Variants in PMM2 observed in about 807,000 individuals in gnomAD.
PMM2 encodes the protein phosphomannomutase 2, also known as mannose-6-phosphate isomerase.
Under a neutral mutation model 33.2 loss-of-function variants are expected in PMM2, and 35 were observed. The observed-to-expected ratio is 1.06, with a 90% CI of 0.81 to 1.40. The LOEUF (loss-of-function observed/expected upper bound fraction) is 1.40. PMM2 is among the 40% of genes most tolerant of loss of function. PMM2 has a pLI of 0.00. For missense variants in PMM2, 386 were observed against 306.0 expected, an observed-to-expected ratio of 1.26 and a Z score of -1.95; for synonymous variants, 153 against 114.7, an observed-to-expected ratio of 1.33 and a Z score of -2.13.
At chr16:8,801,705 A>G in intron 1 of PMM2, 94 bp from the exon 2 acceptor site, 1 of 791,662 alleles carries the variant, frequency 1.3e-6, no homozygotes, top group Non-Finnish European at 2.0e-6. Flanking sequence ...TTAAATAAGA[A>G]AATAAGACTT....
At chr16:8,836,692 A>T (rs992237561) in intron 7 of PMM2, among the ~76,000 whole-genome samples, 5 of 151,944 alleles carry the variant, frequency 3.3e-5, no homozygotes, top group African/African-American at 1.2e-4. Flanking sequence ...GTTTTATTTA[A>T]TGTCGGGAGC....
intron 7 of PMM2, among the ~76,000 whole-genome samples, chr16:8,824,243 C>T (rs1308858678): frequency 6.6e-6 from 1 of 152,052 alleles, no homozygotes; most frequent in Admixed American, 6.5e-5. Context: ...GTTTTTTTTC[C>T]TCCATTCCAA....
intron 7 of PMM2, among the ~76,000 whole-genome samples, chr16:8,841,079 A>G (rs935740009): frequency 1.3e-5 from 2 of 152,062 alleles, no homozygotes; most frequent in Non-Finnish European, 2.9e-5. Context: ...AAGAAGTAAA[A>G]GTACTGTCCA....
At chr16:8,806,573 G>A in intron 4 of PMM2, 166 bp downstream of exon 4, 1 of 655,504 alleles carries the variant, frequency 1.5e-6, no homozygotes, top group Non-Finnish European at 2.8e-6. Context: ...CAGAAAGCCT[G>A]AGAGCCGAGC....
chr16:8,827,629 C>G (rs2060777190), intron 7 of PMM2, among the ~76,000 whole-genome samples: 1 of 145,164 alleles, frequency 6.9e-6, no homozygotes, highest in African/African-American at 2.6e-5. Context: ...CTCCTGACCT[C>G]AAGTGATCCC....
At chr16:8,801,171 A>G (rs1316652733) in intron 1 of PMM2, among the ~76,000 whole-genome samples, 2 of 152,254 alleles carry the variant, frequency 1.3e-5, no homozygotes, top group African/African-American at 4.8e-5. Context: ...TTATGTTTCA[A>G]AAATAAGACC....
chr16:8,833,712 C>A (rs527552445), intron 7 of PMM2, among the ~76,000 whole-genome samples: 1 of 151,106 alleles, frequency 6.6e-6, no homozygotes, highest in East Asian at 1.9e-4. Flanking sequence ...TTGGTGATGG[C>A]CTGGATACGG....
At chr16:8,832,314 G>A (rs1487472777) in intron 7 of PMM2, 1 of 985,324 alleles carries the variant, frequency 1.0e-6, no homozygotes, top group East Asian at 1.1e-4. Context: ...GAGCTGAGAA[G>A]CAACCCAGAG....
chr16:8,804,705 A>G (rs1013146925), intron 2 of PMM2, 62 bp from the exon 3 acceptor site: 13 of 1,092,888 alleles, frequency 1.2e-5, no homozygotes, highest in Admixed American at 1.7e-5. Flanking sequence ...TTGTTAATCA[A>G]GGAGTAAAAA....
intron 1 of PMM2, among the ~76,000 whole-genome samples, chr16:8,798,912 C>T (rs138637791): frequency 1.3e-5 from 2 of 152,274 alleles, no homozygotes; most frequent in Non-Finnish European, 2.9e-5. Flanking sequence ...TTAGACGTAT[C>T]ATTTTGCCCT....
chr16:8,801,207 G>A (rs1352747936), intron 1 of PMM2, among the ~76,000 whole-genome samples: 1 of 152,168 alleles, frequency 6.6e-6, no homozygotes, highest in African/African-American at 2.4e-5. Flanking sequence ...CCATAGATGG[G>A]TATATAAATG....
chr16:8,810,752 T>C, intron 4 of PMM2: 1 of 371,108 alleles, frequency 2.7e-6, no homozygotes, highest in Non-Finnish European at 5.2e-6. Flanking sequence ...ATTTTTTGTA[T>C]TTTTTGTAGA....
chr16:8,833,704 G>A (rs1459452020), intron 7 of PMM2, among the ~76,000 whole-genome samples: 2 of 151,356 alleles, frequency 1.3e-5, no homozygotes, highest in East Asian at 1.9e-4. Context: ...TAGAATGATT[G>A]GTGATGGCCT....
At chr16:8,845,659 A>G (rs1011266278) in intron 7 of PMM2, among the ~76,000 whole-genome samples, 3 of 151,702 alleles carry the variant, frequency 2.0e-5, no homozygotes, top group African/African-American at 4.9e-5. Flanking sequence ...GCTCACTGCA[A>G]TCTCCGCCTC....
intron 7 of PMM2, among the ~76,000 whole-genome samples, chr16:8,822,978 C>G (rs2060746394): frequency 1.3e-5 from 2 of 152,162 alleles, no homozygotes; most frequent in Admixed American, 6.5e-5. Flanking sequence ...ACCAATCAGA[C>G]ATGGGGTTAC....
intron 4 of PMM2, chr16:8,808,142 G>A (rs2060657081): frequency 6.6e-6 from 1 of 152,182 alleles, no homozygotes; most frequent in African/African-American, 2.4e-5. Context: ...CTCCTGCTCA[G>A]CATCTCCAGC....
intron 7 of PMM2, 33 bp from the exon 8 acceptor site, chr16:8,847,691 G>A (rs781148822): frequency 2.6e-6 from 4 of 1,511,136 alleles, no homozygotes. Context: ...ACAGACGAGG[G>A]GGAGCCTTCA....
At chr16:8,801,390 G>C (rs1181924684) in intron 1 of PMM2, among the ~76,000 whole-genome samples, 5 of 152,160 alleles carry the variant, frequency 3.3e-5, no homozygotes, top group Non-Finnish European at 7.3e-5. Context: ...TGAAAATAAG[G>C]CTTATAGACC....
chr16:8,847,357 T>C (rs1020697329), intron 7 of PMM2, among the ~76,000 whole-genome samples: 2 of 132,664 alleles, frequency 1.5e-5, no homozygotes, highest in Admixed American at 1.6e-4. Context: ...TGTGACTTGT[T>C]AGAAAAGCGT....
Sources: gnomAD v4.1 joint callset for allele counts (sites outside exome capture counted in the v4.1 genomes callset) on GRCh38, gnomAD v4.1.1 for gene constraint, MANE v1.5 for transcripts, NCBI Gene and HGNC (gene_info 2026-07-23, HGNC 2026-07-21) for gene names.